Variants in UNC13A observed in about 807,000 individuals in gnomAD.
UNC13A encodes unc-13 homolog A.
In UNC13A, 61 loss-of-function variants were observed where a neutral mutation model predicts 219.7. The ratio of observed to expected loss-of-function variants is 0.28; its 90% confidence interval spans 0.23 to 0.34. The LOEUF (loss-of-function observed/expected upper bound fraction) is 0.34, where lower values mean the gene tolerates loss of function less well. Among genes scored for constraint, UNC13A ranks in the 10% least tolerant of loss-of-function variants. The pLI is 1.00. For missense variants in UNC13A, 1,476 were observed against 2,270.3 expected (o/e 0.65, Z 7.11); for synonymous variants, 920 against 884.6 (o/e 1.04, Z -0.71).
At chr19:17,624,155 C>G (rs1018393107) in intron 35 of UNC13A, among the ~76,000 whole-genome samples, 36 of 146,110 alleles carry the variant, frequency 2.5e-4, no homozygotes, top group African/African-American at 8.8e-4. Context: ...GAAAGGGTCT[C>G]GTTCTGTTGC....
chr19:17,654,399 C>G (rs187931689), intron 11 of UNC13A, among the ~76,000 whole-genome samples: 6 of 152,112 alleles, frequency 3.9e-5, no homozygotes, highest in Non-Finnish European at 8.8e-5. Context: ...GTATGTACTG[C>G]TGAGTCAAAA....
chr19:17,609,024 C>T (rs1361949347), intron 43 of UNC13A, among the ~76,000 whole-genome samples: 2 of 147,578 alleles, frequency 1.4e-5, no homozygotes, highest in Non-Finnish European at 3.0e-5. Context: ...ATGGCTCGAT[C>T]TTGGCTCACT....
In UNC13A at chr19:17,623,586, G is replaced by A. The variant is rs538688753; in HGVS notation, c.4198-39C>T. On this transcript the variant is annotated intron_variant, in intron 35 of 43. Transcript: ENST00000519716. Reference sequence around the variant, plus strand: ...TGGGGGCGGGGCGGTGGGGGAGGGGGGAATAAGGTACCATGAGTCTCCCGG... The same window carrying A: ...TGGGGGCGGGGCGGTGGGGGAGGGGAGAATAAGGTACCATGAGTCTCCCGG... 1.4e-4 allele frequency: 149 copies of A among 1,046,584 alleles called. 1 individual carries two copies. In the South Asian group the frequency reaches 2.0e-3, roughly 14 times the overall value. The allele number at this position is 1,046,584 out of a possible 1,614,324, so 64.8% of individuals were successfully genotyped here.
rs115663260 is a variant in UNC13A, at chr19:17,677,054, C to A, written c.23-1013G>T. On this transcript the variant is annotated intron_variant, in intron 1 of 43. Coordinates refer to ENST00000519716, the MANE Select transcript of UNC13A (RefSeq NM_001080421.3). ...GTAATGTACAGGGAGACACTTGGGT[C>A]CTGGCTGGAGGGTTGACAGAGATTG... Among the ~76,000 whole-genome samples the A allele has an allele frequency of 9.0e-3, 1,363 of 152,166 alleles. 17 individuals carry two copies. The highest frequency in any genetic ancestry group is 0.032 in the African/African-American group (1,308 of 41,500).
In UNC13A at chr19:17,648,617, A is replaced by C. The variant is rs758389339; in HGVS notation, c.1630T>G (p.Leu544Val). Reference sequence around the variant, plus strand: ...GTCGTGCACGAGATGGGGTAGATTAAGGCTTGCAGGGTCTTCTTGTAAACG... The same window carrying C: ...GTCGTGCACGAGATGGGGTAGATTACGGCTTGCAGGGTCTTCTTGTAAACG... ...NHVYKKTLQA[L>V]IYPISCTTPH... The change falls in exon 16 of 44, where the codon TTA (leucine) becomes GTA (valine). Residue 544 changes from leucine to valine, a missense_variant. By Grantham distance (32) the Leu-to-Val change is conservative (BLOSUM62 1). This residue lies in a region of UNC13A where 85 missense variants were observed against 211.5 expected (regional missense o/e 0.40). Coordinates refer to ENST00000519716, the MANE Select transcript of UNC13A (RefSeq NM_001080421.3). The C allele has an allele frequency of 6.2e-7, 1 of 1,611,328 alleles. No individual in the cohort carries two copies. Among genetic ancestry groups the C allele is most frequent in the Non-Finnish European group, 8.5e-7 (1 of 1,177,848 alleles).
intron 1 of UNC13A, among the ~76,000 whole-genome samples, chr19:17,682,116 C>T (rs950772908): frequency 1.3e-5 from 2 of 152,032 alleles, no homozygotes; most frequent in Admixed American, 6.6e-5. Context: ...CCATACCCAG[C>T]TAATTTTTTT....
At chr19:17,655,227 G>A (rs1256461031) in intron 11 of UNC13A, 47 bp downstream of exon 11, 27 of 1,469,522 alleles carry the variant, frequency 1.8e-5, no homozygotes, top group Middle Eastern at 1.8e-4. Context: ...GCCATTGGGC[G>A]TGGCCTGGCT....
intron 7 of UNC13A, among the ~76,000 whole-genome samples, chr19:17,665,972 G>A (rs990147564): frequency 5.8e-5 from 3 of 52,160 alleles, no homozygotes; most frequent in African/African-American, 2.3e-4. Context: ...ACATAGCAAG[G>A]TGGGAATCAA....
chr19:17,603,667 C>T lies in UNC13A; in HGVS notation c.*2387G>A, dbSNP rs2076490694. ...CTTGGGCCATTCACATGTCGGGAAA[C>T]CAACGTCACAAACATACAACACTCA... On this transcript the variant is annotated 3_prime_UTR_variant, in exon 44 of 44. Coordinates refer to ENST00000519716, the MANE Select transcript of UNC13A (RefSeq NM_001080421.3). 1 of 152,254 alleles carries T rather than the reference C, an allele frequency of 6.6e-6. No individual in the cohort carries two copies. Among genetic ancestry groups the T allele is most frequent in the South Asian group, 2.1e-4 (1 of 4,832 alleles). The allele number at this position is 152,254 out of a possible 1,614,324, so 9.4% of individuals were successfully genotyped here.
chr19:17,613,376 T>G (rs558746588), intron 41 of UNC13A, among the ~76,000 whole-genome samples: 1 of 152,244 alleles, frequency 6.6e-6, no homozygotes, highest in Non-Finnish European at 1.5e-5. Context: ...GCCACTGCAC[T>G]TCAGTCTGGG....
chr19:17,618,415 T>G lies in UNC13A; in HGVS notation c.4410+6A>C, dbSNP rs970407068. On this transcript the variant is annotated splice_donor_region_variant and intron_variant, in intron 40 of 43. Coordinates refer to ENST00000519716, the MANE Select transcript of UNC13A (RefSeq NM_001080421.3). The stretch of plus-strand genomic sequence containing the variant: ...ACCTGGGATGGGGAGGGGTAGGGCC[T>G]CTCACCTTGATGGTGTCCAGGGCCA... The G allele has an allele frequency of 2.5e-6, 4 of 1,572,580 alleles. No homozygotes were observed. The African/African-American group carries it at 5.4e-5, about 21-fold the overall frequency.
chr19:17,618,880 C>A (rs199696476), intron 39 of UNC13A, 26 bp downstream of exon 39: 8 of 1,613,408 alleles, frequency 5.0e-6, no homozygotes, highest in African/African-American at 4.0e-5. Flanking sequence ...CAGTCCCTCA[C>A]GCCATAATCT....
chr19:17,609,890 C>T (rs942963674), intron 43 of UNC13A, 50 bp downstream of exon 43: 8 of 1,604,452 alleles, frequency 5.0e-6, no homozygotes, highest in Middle Eastern at 2.2e-4. Context: ...GTTCACCTGG[C>T]GGATGCCCCC....
At chr19:17,618,784 G>A (rs1023523941) in intron 39 of UNC13A, 122 bp downstream of exon 39, 7 of 961,474 alleles carry the variant, frequency 7.3e-6, no homozygotes, top group Non-Finnish European at 1.2e-5. Context: ...TAGAGTTTCT[G>A]TCCTTTGAGC....
rs762530229 is a variant in UNC13A, at chr19:17,649,434, T to C, written c.1518+75A>G. On this transcript the variant is annotated intron_variant, in intron 13 of 43. Transcript: ENST00000519716. The surrounding 1 kb of genome is among the most constrained non-coding windows in gnomAD (Gnocchi z 4.4). ...CTGGCCCCCAACCCCAGGTTGACCA[T>C]GGGCAGTTCCACAGGTTGTGCACTG... 1.2e-6 allele frequency: 2 copies of C among 1,613,610 alleles called. No homozygotes were observed. The highest frequency in any genetic ancestry group is 1.7e-6 in the Non-Finnish European group (2 of 1,179,666).
In UNC13A at chr19:17,640,458, C is replaced by G. The variant is rs541527929; in HGVS notation, c.2787+53G>C. The stretch of plus-strand genomic sequence containing the variant: ...ACCCAGAAGTCACATCAGATCTGAC[C>G]GGCATAAAGTTGGGCTCTCCCTAAT... On this transcript the variant is annotated intron_variant, in intron 22 of 43. Coordinates refer to ENST00000519716, the MANE Select transcript of UNC13A (RefSeq NM_001080421.3). The G allele has an allele frequency of 4.0e-6, 6 of 1,516,934 alleles. No individual in the cohort carries two copies. The East Asian group carries it at 1.5e-4, about 37-fold the overall frequency. The allele number at this position is 1,516,934 out of a possible 1,614,324, so 94.0% of individuals were successfully genotyped here. A position where few individuals can be genotyped will look rare whatever the true frequency, so the allele number is the denominator to read the frequency against.
At chr19:17,684,941 G>C (rs184045217) in intron 1 of UNC13A, among the ~76,000 whole-genome samples, 2 of 152,336 alleles carry the variant, frequency 1.3e-5, no homozygotes, top group East Asian at 1.9e-4. Flanking sequence ...CATGGATGCA[G>C]TTCTGTGGCA....
At position 17,627,621 on chromosome 19, in the gene UNC13A, G is replaced by T. The variant is rs2076797106; in HGVS notation, c.3832-24C>A. On this transcript the variant is annotated intron_variant, in intron 32 of 43. Coordinates refer to ENST00000519716, the MANE Select transcript of UNC13A (RefSeq NM_001080421.3). The surrounding 1 kb of genome is among the most constrained non-coding windows in gnomAD (Gnocchi z 4.7). ...AGCTAAGGAGGGAGAAGGGACACCA[G>T]GCCAGGTTCAGTAAGTATCCACATG... 6.5e-7 allele frequency: 1 copy of T among 1,542,598 alleles called. No homozygotes were observed.
chr19:17,644,639 G>A (rs1465226147), intron 19 of UNC13A, among the ~76,000 whole-genome samples: 1 of 147,672 alleles, frequency 6.8e-6, no homozygotes, highest in Non-Finnish European at 1.5e-5. Context: ...CAAGTGATCT[G>A]CCTGCCTCAG....
Sources: gnomAD v4.1 joint callset for allele counts (sites outside exome capture counted in the v4.1 genomes callset) on GRCh38, gnomAD v4.1.1 for gene constraint, gnomAD v4.1.1 regional missense constraint, Gnocchi (gnomAD v3.1) non-coding constraint, MANE v1.5 for transcripts, NCBI Gene and HGNC (gene_info 2026-07-23, HGNC 2026-07-21) for gene names.